Variants in SECISBP2 observed in about 807,000 individuals in gnomAD.
The protein encoded by SECISBP2 is selenocysteine insertion sequence-binding protein 2.
A neutral mutation model predicts 98.2 loss-of-function variants in SECISBP2; 96 were observed. The observed-to-expected ratio is 0.98, with a 90% CI of 0.83 to 1.16. The LOEUF (loss-of-function observed/expected upper bound fraction) is 1.16. Ranked by LOEUF, SECISBP2 falls within the 50% of genes most tolerant of loss-of-function variation. The pLI, the probability that SECISBP2 is intolerant of heterozygous loss-of-function variation, is 0.00. For synonymous variants in SECISBP2, 407 were observed against 370.2 expected (o/e 1.10, Z -1.14); for missense variants, 1,046 against 1,022.9 (o/e 1.02, Z -0.31).
At chr9:89,352,919 C>T (rs1831503509) in intron 14 of SECISBP2, among the ~76,000 whole-genome samples, 1 of 151,864 alleles carries the variant, frequency 6.6e-6, no homozygotes, top group Non-Finnish European at 1.5e-5. Flanking sequence ...CCTCTCCCTG[C>T]AGTGCCTCTG....
Position 89,328,685 on chromosome 9 carries a change from G to A in SECISBP2, c.600G>A (p.Arg200=). 6.2e-7 allele frequency: 1 copy of A among 1,614,016 alleles called. No homozygotes were observed. The highest frequency in any genetic ancestry group is 8.5e-7 in the Non-Finnish European group (1 of 1,179,902). Residue 200 remains arginine (R), a synonymous_variant, in exon 5 of 17, where the codon AGG becomes AGA. Coordinates refer to ENST00000375807, the MANE Select transcript of SECISBP2 (RefSeq NM_024077.5). ...ATGGTTACCATAAGCGAACAGACAG[G>A]AAATCCAGAATCATTGCAAAAAATG... ...KSDGYHKRTD[R]KSRIIAKNVS... is the part of the protein sequence containing the mutation.
chr9:89,322,150 GTT>G (rs1379585802), intron 2 of SECISBP2: 2 of 152,194 alleles, frequency 1.3e-5, no homozygotes, highest in Non-Finnish European at 2.9e-5. Context: ...GTCTTCCATA[GTT>G]TTGAAGTGAT....
At chr9:89,334,121 A>G (rs1053393395) in intron 6 of SECISBP2, 6 of 1,139,576 alleles carry the variant, frequency 5.3e-6, no homozygotes, top group Non-Finnish European at 6.5e-6. Context: ...AAGTCTAGTG[A>G]TCTTTGACTT....
intron 14 of SECISBP2, among the ~76,000 whole-genome samples, chr9:89,352,034 C>T (rs1004466847): frequency 6.6e-6 from 1 of 152,226 alleles, no homozygotes; most frequent in African/African-American, 2.4e-5. Context: ...ATGTAAGAGG[C>T]TTGTGAGCAA....
At chr9:89,348,240 G>A in intron 12 of SECISBP2, 26 bp downstream of exon 12, 1 of 1,613,698 alleles carries the variant, frequency 6.2e-7, no homozygotes, top group Non-Finnish European at 8.5e-7. Context: ...TGTGCCTTAA[G>A]AATAATTTAA....
At chr9:89,341,276 C>A in intron 9 of SECISBP2, 71 bp from the exon 10 acceptor site, 1 of 1,394,890 alleles carries the variant, frequency 7.2e-7, no homozygotes, top group Non-Finnish European at 1.0e-6. Flanking sequence ...ATCTTTACAT[C>A]AGTTTTTTGT....
intron 5 of SECISBP2, 184 bp from the exon 6 acceptor site, chr9:89,332,724 G>C (rs1827961233): frequency 8.0e-6 from 5 of 625,562 alleles, no homozygotes; most frequent in Non-Finnish European, 1.4e-5. Context: ...GTAAGAGTAT[G>C]GTTAGTTTTG....
At chr9:89,344,112 A>G (rs957761533) in intron 10 of SECISBP2, among the ~76,000 whole-genome samples, 1 of 152,120 alleles carries the variant, frequency 6.6e-6, no homozygotes, top group African/African-American at 2.4e-5. Flanking sequence ...GGCCACGTGT[A>G]TGTCTCTTGA....
chr9:89,341,271 T>G, intron 9 of SECISBP2, 76 bp from the exon 10 acceptor site: 2 of 1,379,278 alleles, frequency 1.5e-6, no homozygotes, highest in Non-Finnish European at 2.0e-6. Flanking sequence ...ATTTTATCTT[T>G]ACATCAGTTT....
intron 12 of SECISBP2, among the ~76,000 whole-genome samples, chr9:89,348,805 G>A (rs1012391180): frequency 6.3e-4 from 96 of 152,382 alleles, no homozygotes; most frequent in African/African-American, 2.2e-3. Flanking sequence ...TGTGTGTTAC[G>A]TGCTGCTCTC....
At chr9:89,323,733 T>G (rs1222867453) in intron 2 of SECISBP2, 1 of 152,298 alleles carries the variant, frequency 6.6e-6, no homozygotes, top group Non-Finnish European at 1.5e-5. Flanking sequence ...ACATGCCATT[T>G]GAAGCCACGC....
At position 89,350,511 on chromosome 9, in the gene SECISBP2, T is replaced by G. The variant is rs1053058565; in HGVS notation, c.1893-121T>G. Reference sequence around the variant, plus strand: ...ATTCCACAGTTCTGGTTAGTAGTACTTGTTGAAACGTGACTTTTTGTCTGA... The same window carrying G: ...ATTCCACAGTTCTGGTTAGTAGTACGTGTTGAAACGTGACTTTTTGTCTGA... On this transcript the variant is annotated intron_variant, in intron 13 of 16. Transcript: ENST00000375807. The G allele has an allele frequency of 3.3e-5, 29 of 869,156 alleles. No individual in the cohort carries two copies. In the Admixed American group the frequency reaches 4.7e-4, roughly 14 times the overall value. 53.8% of individuals were successfully genotyped at this position (869,156 alleles called of 1,614,324 possible). A position where few individuals can be genotyped will look rare whatever the true frequency, so the allele number is the denominator to read the frequency against.
intron 14 of SECISBP2, chr9:89,356,845 A>C (rs1245530762): frequency 5.9e-6 from 1 of 169,658 alleles, no homozygotes; most frequent in South Asian, 1.4e-4. Flanking sequence ...ACACCCCCTC[A>C]TGTATTTCTC....
chr9:89,327,443 TAAC>T (rs937188608), intron 4 of SECISBP2, among the ~76,000 whole-genome samples: 1 of 152,252 alleles, frequency 6.6e-6, no homozygotes, highest in Non-Finnish European at 1.5e-5. Flanking sequence ...ACTCTTGTAA[TAAC>T]ACTTACCTTT....
intron 2 of SECISBP2, 33 bp from the exon 3 acceptor site, chr9:89,325,394 A>C (rs750429765): frequency 6.2e-7 from 1 of 1,609,706 alleles, no homozygotes. Flanking sequence ...TGCAGTATGA[A>C]ATCTGCAACT....
chr9:89,350,271 T>C (rs769799929), intron 13 of SECISBP2, among the ~76,000 whole-genome samples: 1 of 152,202 alleles, frequency 6.6e-6, no homozygotes, highest in Non-Finnish European at 1.5e-5. Context: ...TCCTTTAACC[T>C]TGTGTGCTCA....
At chr9:89,352,872 A>AGAATTTTAATGATGCCTCT in intron 14 of SECISBP2, among the ~76,000 whole-genome samples, 1 of 146,022 alleles carries the variant, frequency 6.8e-6, no homozygotes, top group South Asian at 2.1e-4. Flanking sequence ...CTGCTGCCTC[A>AGAATTTTAATGATGCCTCT]TGGTTGCCTC....
intron 1 of SECISBP2, among the ~76,000 whole-genome samples, chr9:89,319,258 C>A (rs911336536): frequency 2.6e-5 from 4 of 152,156 alleles, no homozygotes; most frequent in Non-Finnish European, 5.9e-5. Context: ...TGGAAATAAA[C>A]GTCTGCAGTG....
intron 14 of SECISBP2, among the ~76,000 whole-genome samples, chr9:89,355,971 CT>C (rs1306097032): frequency 5.3e-5 from 8 of 152,162 alleles, no homozygotes; most frequent in Admixed American, 4.6e-4. Context: ...AGCCTGACAT[CT>C]TTTTATATTT....
Sources: allele counts gnomAD v4.1 joint callset (sites outside exome capture counted in the v4.1 genomes callset), GRCh38; gene constraint gnomAD v4.1.1; transcripts MANE v1.5; gene names NCBI Gene and HGNC (gene_info 2026-07-23, HGNC 2026-07-21).